The following ZBBX variants were observed in gnomAD, a reference collection of about 807,000 sequenced individuals.
ZBBX encodes the protein zinc finger B-box domain containing, also known as zinc finger B-box domain-containing protein 1.
ZBBX carries 101 observed loss-of-function variants against 108.5 expected under a neutral mutation model. The observed-to-expected ratio is 0.93, with a 90% CI of 0.79 to 1.10. The LOEUF is 1.10. ZBBX is among the 50% of genes least tolerant of loss of function. The pLI is 0.00. For synonymous variants in ZBBX, 356 were observed against 323.4 expected (o/e 1.10, Z -1.08); for missense variants, 1,009 against 941.4 (o/e 1.07, Z -0.94).
the ZBBX span, among the ~76,000 whole-genome samples, chr3:167,198,446 C>A: frequency 6.6e-6 from 1 of 151,968 alleles, no homozygotes; most frequent in Non-Finnish European, 1.5e-5. Flanking sequence ...ACAAGAAAAT[C>A]AACAGTACTT....
At chr3:167,340,543 T>C (rs1740359880) in intron 9 of ZBBX, among the ~76,000 whole-genome samples, 1 of 152,138 alleles carries the variant, frequency 6.6e-6, no homozygotes, top group African/African-American at 2.4e-5. Flanking sequence ...ACTATTATTT[T>C]ACCTTTCTTA....
At chr3:167,181,824 A>G in the ZBBX span, among the ~76,000 whole-genome samples, 1 of 152,180 alleles carries the variant, frequency 6.6e-6, no homozygotes, top group East Asian at 1.9e-4. Flanking sequence ...CCTACCTAGA[A>G]GTAATCCTAC....
the ZBBX span, among the ~76,000 whole-genome samples, chr3:167,187,791 A>C: frequency 3.3e-5 from 5 of 152,306 alleles, no homozygotes; most frequent in South Asian, 8.3e-4. Flanking sequence ...TGAATGTTGG[A>C]GTTGGACATA....
Position 167,282,411 on chromosome 3 carries a change from T to C in ZBBX, c.2081A>G (p.His694Arg). Residue 694 changes from histidine to arginine, a missense_variant, in exon 20 of 22, where the codon CAT becomes CGT. Physicochemically the swap from His to Arg is conservative, Grantham distance 29. Transcript: ENST00000675490. The stretch of plus-strand genomic sequence containing the variant: ...AGCAGCTGCACTTCTTGATCGAGGA[T>C]GAGAGGATGAAAGGCAACTGGAGCT... ...KESSSCLSSS[H>R]PRSRSAAAQS... 1 of 1,613,862 alleles carries C rather than the reference T, an allele frequency of 6.2e-7. No individual in the cohort carries two copies. Among genetic ancestry groups the C allele is most frequent in the Middle Eastern group, 1.6e-4 (1 of 6,062 alleles).
At chr3:167,323,238 A>G (rs112477164) in intron 11 of ZBBX, among the ~76,000 whole-genome samples, 1,269 of 30,326 alleles carry the variant, frequency 0.042, 44 homozygotes, top group African/African-American at 0.14. Flanking sequence ...GAGCTAAAAG[A>G]GGGGGGGGGG....
the ZBBX span, among the ~76,000 whole-genome samples, chr3:167,215,124 T>A: frequency 6.7e-6 from 1 of 150,084 alleles, no homozygotes; most frequent in Non-Finnish European, 1.5e-5. Flanking sequence ...AGACAAGAAA[T>A]AACAAAAATC....
chr3:167,354,232 G>C (rs1743156555), intron 8 of ZBBX, among the ~76,000 whole-genome samples: 1 of 151,646 alleles, frequency 6.6e-6, no homozygotes, highest in Non-Finnish European at 1.5e-5. Context: ...CATATCACTA[G>C]CCTGGGAAAA....
At chr3:167,340,478 C>T (rs1014192549) in intron 9 of ZBBX, among the ~76,000 whole-genome samples, 3 of 151,920 alleles carry the variant, frequency 2.0e-5, no homozygotes, top group African/African-American at 7.2e-5. Context: ...AAAAGGTGAG[C>T]ATTATCTCTC....
At chr3:167,194,229 AAT>A in the ZBBX span, among the ~76,000 whole-genome samples, 2,042 of 139,748 alleles carry the variant, frequency 0.015, 34 homozygotes, top group South Asian at 0.037. Flanking sequence ...ATATGTACTA[AAT>A]ATATATATAT....
intron 20 of ZBBX, among the ~76,000 whole-genome samples, chr3:167,269,356 G>A (rs1726135884): frequency 6.6e-6 from 1 of 152,178 alleles, no homozygotes; most frequent in African/African-American, 2.4e-5. Flanking sequence ...AAGATTGATT[G>A]ACTCATATCC....
intron 9 of ZBBX, among the ~76,000 whole-genome samples, chr3:167,349,059 C>A (rs1203590265): frequency 1.3e-5 from 2 of 151,702 alleles, no homozygotes; most frequent in Non-Finnish European, 2.9e-5. Context: ...GGAGAGAGAG[C>A]AAGAAGAAGA....
At chr3:167,352,731 A>T (rs1742873963) in intron 8 of ZBBX, among the ~76,000 whole-genome samples, 1 of 151,986 alleles carries the variant, frequency 6.6e-6, no homozygotes, top group Non-Finnish European at 1.5e-5. Context: ...CAAAAAAAAA[A>T]AAAGCTAGCA....
chr3:167,364,098 G>C (rs996626456), intron 6 of ZBBX, among the ~76,000 whole-genome samples: 2 of 151,672 alleles, frequency 1.3e-5, no homozygotes, highest in Non-Finnish European at 2.9e-5. Flanking sequence ...GACATTTGGG[G>C]CCGAATAATT....
chr3:167,252,900 T>C (rs1293093971), intron 20 of ZBBX, among the ~76,000 whole-genome samples: 1 of 152,242 alleles, frequency 6.6e-6, no homozygotes, highest in African/African-American at 2.4e-5. Flanking sequence ...ATTTTTAAAA[T>C]TACAAAGCTC....
At chr3:167,184,568 A>G in the ZBBX span, among the ~76,000 whole-genome samples, 1 of 152,178 alleles carries the variant, frequency 6.6e-6, no homozygotes, top group East Asian at 1.9e-4. Context: ...GATGGGCTCA[A>G]GGAATAGTCA....
At chr3:167,211,370 A>G in the ZBBX span, among the ~76,000 whole-genome samples, 1 of 152,188 alleles carries the variant, frequency 6.6e-6, no homozygotes, top group African/African-American at 2.4e-5. Flanking sequence ...GGAGACAGAT[A>G]CTTGGGCTTT....
At chr3:167,356,388 C>T (rs1414327826) in intron 8 of ZBBX, among the ~76,000 whole-genome samples, 1 of 151,946 alleles carries the variant, frequency 6.6e-6, no homozygotes, top group Non-Finnish European at 1.5e-5. Context: ...ATTAGATGTG[C>T]AGCATTCGAA....
At chr3:167,276,621 G>C (rs1727639030) in intron 20 of ZBBX, among the ~76,000 whole-genome samples, 1 of 152,184 alleles carries the variant, frequency 6.6e-6, no homozygotes, top group South Asian at 2.1e-4. Context: ...CGTCTGACTG[G>C]TGTACCTGAA....
intron 20 of ZBBX, among the ~76,000 whole-genome samples, chr3:167,273,433 T>C (rs1726894214): frequency 6.6e-6 from 1 of 152,124 alleles, no homozygotes; most frequent in African/African-American, 2.4e-5. Flanking sequence ...TGTGGCAAGC[T>C]CTCTCTCTGC....
Sources: allele counts gnomAD v4.1 joint callset (sites outside exome capture counted in the v4.1 genomes callset), GRCh38; gene constraint gnomAD v4.1.1; transcripts MANE v1.5; gene names NCBI Gene and HGNC (gene_info 2026-07-23, HGNC 2026-07-21).